The following N4BP2 variants were observed in gnomAD, a reference collection of about 807,000 sequenced individuals.
N4BP2 encodes the protein NEDD4-binding protein 2.
In N4BP2, 91 loss-of-function variants were observed where a neutral mutation model predicts 152.8. That is an observed-to-expected ratio of 0.60 (90% CI 0.50 to 0.71). N4BP2 has a LOEUF of 0.71. N4BP2 is among the 30% of genes least tolerant of loss of function. The probability of loss-of-function intolerance (pLI) is 0.00; values close to 1 mark genes in which losing one functional copy is unlikely to be tolerated. For missense variants in N4BP2, 1,923 were observed against 2,059.1 expected, an observed-to-expected ratio of 0.93 and a Z score of 1.28; for synonymous variants, 646 against 705.3, an observed-to-expected ratio of 0.92 and a Z score of 1.33.
intron 16 of N4BP2, among the ~76,000 whole-genome samples, chr4:40,151,293 G>T (rs946788869): frequency 2.0e-5 from 3 of 152,272 alleles, no homozygotes; most frequent in Non-Finnish European, 2.9e-5. Flanking sequence ...TTCTTTTTGA[G>T]ATGGGAGTCT....
chr4:40,188,317 G>A, the N4BP2 span, among the ~76,000 whole-genome samples: 1 of 152,198 alleles, frequency 6.6e-6, no homozygotes, highest in South Asian at 2.1e-4. Context: ...CACAGGCTGT[G>A]CTGTTTATTG....
chr4:40,152,158 A>T (rs1476349003), intron 16 of N4BP2, among the ~76,000 whole-genome samples: 1 of 152,230 alleles, frequency 6.6e-6, no homozygotes, highest in Non-Finnish European at 1.5e-5. Flanking sequence ...TATCTTTAAT[A>T]GTAAGACTGC....
chr4:40,082,356 A>G (rs1003843789), intron 2 of N4BP2, among the ~76,000 whole-genome samples: 1 of 152,056 alleles, frequency 6.6e-6, no homozygotes, highest in Admixed American at 6.6e-5. Flanking sequence ...CAATCTAAAG[A>G]GGTGTTGTAT....
intron 15 of N4BP2, 44 bp from the exon 16 acceptor site, chr4:40,144,588 A>G: frequency 6.7e-7 from 1 of 1,500,760 alleles, no homozygotes; most frequent in Non-Finnish European, 9.0e-7. Context: ...TCACCCAAGT[A>G]GCAAACAGCA....
intron 1 of N4BP2, among the ~76,000 whole-genome samples, chr4:40,064,075 T>A (rs74857814): frequency 0.016 from 2,406 of 152,068 alleles, 78 homozygotes; most frequent in African/African-American, 0.055. Flanking sequence ...TGGGACCACA[T>A]GTGAACCACT....
Position 40,142,875 on chromosome 4 carries a change from C to T in N4BP2, c.4974+14C>T. ...TATGCCCAGCAGGTAAAGTGGAAAA[C>T]TGATTATATATTTTTTGTCAGTTAT... On this transcript the variant is annotated intron_variant, in intron 15 of 17. Transcript: ENST00000261435. 6.2e-7 allele frequency: 1 copy of T among 1,609,854 alleles called. No individual in the cohort carries two copies. Among genetic ancestry groups the T allele is most frequent in the African/African-American group, 1.3e-5 (1 of 74,724 alleles).
At chr4:40,152,966 CTG>C in intron 17 of N4BP2, 63 bp downstream of exon 17, 4 of 1,541,270 alleles carry the variant, frequency 2.6e-6, no homozygotes, top group Non-Finnish European at 2.7e-6. Flanking sequence ...TCAGATATTT[CTG>C]TGAGTATAGA....
At chr4:40,139,471 A>G (rs1719705815) in intron 14 of N4BP2, among the ~76,000 whole-genome samples, 1 of 150,402 alleles carries the variant, frequency 6.6e-6, no homozygotes. Flanking sequence ...TTTTTGTATT[A>G]ATTTTGTATC....
At chr4:40,067,916 G>A (rs1711713075) in intron 1 of N4BP2, among the ~76,000 whole-genome samples, 1 of 152,022 alleles carries the variant, frequency 6.6e-6, no homozygotes, top group Admixed American at 6.6e-5. Flanking sequence ...CTGACCTCAG[G>A]TAATCCACCT....
chr4:40,087,866 C>T (rs1484851255), intron 2 of N4BP2, among the ~76,000 whole-genome samples: 1 of 152,018 alleles, frequency 6.6e-6, no homozygotes, highest in East Asian at 1.9e-4. Flanking sequence ...TCCCAAGTAG[C>T]TGAGATTACA....
chr4:40,154,459 T>G lies in N4BP2; in HGVS notation c.*222T>G, dbSNP rs1721436336. The G allele has an allele frequency of 4.7e-6, 2 of 422,486 alleles. No homozygotes were observed. The highest frequency in any genetic ancestry group is 8.6e-5 in the Admixed American group (2 of 23,282). 26.2% of individuals were successfully genotyped at this position (422,486 alleles called of 1,614,324 possible). On this transcript the variant is annotated 3_prime_UTR_variant, in exon 18 of 18. Coordinates refer to ENST00000261435, the MANE Select transcript of N4BP2 (RefSeq NM_018177.6). ...TAAAGATATTACAGAGAAATTTTAT[T>G]GATTACAAAATATGTAAGAAAATTA...
the N4BP2 span, among the ~76,000 whole-genome samples, chr4:40,164,963 GTCT>G: frequency 6.6e-6 from 1 of 152,154 alleles, no homozygotes; most frequent in African/African-American, 2.4e-5. Flanking sequence ...AGAGCTCACT[GTCT>G]TCTTAAGCTC....
intron 12 of N4BP2, among the ~76,000 whole-genome samples, chr4:40,128,539 GT>G (rs11423243): frequency 1.4e-4 from 20 of 145,068 alleles, no homozygotes; most frequent in Non-Finnish European, 1.5e-4. Flanking sequence ...TCTTCTTTCT[GT>G]TTTTTTTTTT....
chr4:40,153,617 A>C (rs886244491), intron 17 of N4BP2, among the ~76,000 whole-genome samples: 1 of 152,184 alleles, frequency 6.6e-6, no homozygotes, highest in African/African-American at 2.4e-5. Context: ...TCAGTGTAGC[A>C]TATTTATTTT....
chr4:40,145,822 T>G (rs1056625298), intron 16 of N4BP2, among the ~76,000 whole-genome samples: 1 of 152,106 alleles, frequency 6.6e-6, no homozygotes, highest in Non-Finnish European at 1.5e-5. Flanking sequence ...GTAGGATAGA[T>G]AACAGTGAAA....
the N4BP2 span, among the ~76,000 whole-genome samples, chr4:40,169,109 G>A: frequency 4.6e-5 from 7 of 152,044 alleles, no homozygotes; most frequent in East Asian, 1.9e-4. Flanking sequence ...AGGGCCGGGC[G>A]TGGTGGTTCT....
At chr4:40,093,411 T>C (rs1280362278) in intron 2 of N4BP2, among the ~76,000 whole-genome samples, 1 of 151,880 alleles carries the variant, frequency 6.6e-6, no homozygotes, top group African/African-American at 2.4e-5. Flanking sequence ...AGCCATGTTC[T>C]ACAATTTTTT....
chr4:40,069,671 G>T (rs1381294779), intron 1 of N4BP2, among the ~76,000 whole-genome samples: 1 of 152,222 alleles, frequency 6.6e-6, no homozygotes, highest in African/African-American at 2.4e-5. Context: ...ACTGTGGGAG[G>T]CTGAGGGGAG....
chr4:40,141,948 C>T (rs1033884709), intron 14 of N4BP2, among the ~76,000 whole-genome samples: 112 of 152,120 alleles, frequency 7.4e-4, no homozygotes, highest in African/African-American at 2.3e-3. Flanking sequence ...ACCAGTCAGG[C>T]GTGGTGGCGC....
Sources: gnomAD v4.1 joint callset for allele counts (sites outside exome capture counted in the v4.1 genomes callset) on GRCh38, gnomAD v4.1.1 for gene constraint, MANE v1.5 for transcripts, NCBI Gene and HGNC (gene_info 2026-07-23, HGNC 2026-07-21) for gene names.